The following COL4A5 variants were observed in gnomAD, a reference collection of about 807,000 sequenced individuals.
COL4A5 encodes the protein collagen alpha-5(IV) chain.
A neutral mutation model predicts 130.2 loss-of-function variants in COL4A5; 26 were observed. The ratio of observed to expected loss-of-function variants is 0.20; its 90% CI spans 0.15 to 0.28. The LOEUF (loss-of-function observed/expected upper bound fraction) is 0.28, where lower values mean the gene tolerates loss of function less well. COL4A5 is among the 10% of genes least tolerant of loss of function. COL4A5 has a pLI of 1.00. For missense variants in COL4A5, 1,131 were observed against 1,344.3 expected (o/e 0.84, Z 2.48); for synonymous variants, 496 against 439.6 (o/e 1.13, Z -1.60).
At chrX:108,451,429 T>C (rs1463505609) in intron 1 of COL4A5, among the ~76,000 whole-genome samples, 1 of 112,135 alleles carries the variant, frequency 8.9e-6, no homozygotes, top group Non-Finnish European at 1.9e-5. Context: ...CACTGTCTTC[T>C]ACAATGGTTG....
chrX:108,471,942 C>T (rs1434391577), intron 1 of COL4A5, among the ~76,000 whole-genome samples: 1 of 111,019 alleles, frequency 9.0e-6, no homozygotes, highest in African/African-American at 3.3e-5. Flanking sequence ...TTTATTTGAG[C>T]TCTTTCTCAT....
chrX:108,658,858 A>G (rs981459983), intron 37 of COL4A5, among the ~76,000 whole-genome samples: 4 of 111,108 alleles, frequency 3.6e-5, no homozygotes, highest in Non-Finnish European at 7.6e-5. Context: ...AACTTTCGTA[A>G]GTGATTTTCT....
rs1230195211 is a variant in COL4A5, at chrX:108,627,272, G to T, written c.3246+923G>T. 4 of 608,546 alleles carry T rather than the reference G, an allele frequency of 6.6e-6. No individual in the cohort carries two copies. The African/African-American group carries it at 1.0e-4, about 15-fold the overall frequency. The allele number at this position is 608,546 out of a possible 1,213,427, so 50.2% of individuals were successfully genotyped here. On this transcript the variant is annotated intron_variant, in intron 36 of 52. Transcript: ENST00000328300. The stretch of plus-strand genomic sequence containing the variant: ...AAAAAATAATATAGACATATTAAGG[G>T]TAAGAGTGAAAATCTTCTTCATGCC...
intron 52 of COL4A5, 158 bp downstream of exon 52, chrX:108,695,597 G>A: frequency 1.8e-6 from 1 of 570,328 alleles, no homozygotes; most frequent in Non-Finnish European, 2.8e-6. Context: ...CATGACTCAG[G>A]TCAGAAAAAC....
At chrX:108,460,872 T>G (rs1030186121) in intron 1 of COL4A5, among the ~76,000 whole-genome samples, 1 of 109,103 alleles carries the variant, frequency 9.2e-6, no homozygotes, top group Non-Finnish European at 1.9e-5. Flanking sequence ...TATAGGAATT[T>G]GGTTAATAGT....
intron 36 of COL4A5, among the ~76,000 whole-genome samples, chrX:108,635,813 A>G (rs760588537): frequency 1.8e-5 from 2 of 112,560 alleles, no homozygotes; most frequent in Admixed American, 1.9e-4. Flanking sequence ...CTTTTCAACA[A>G]ATGATGCTGG....
intron 2 of COL4A5, among the ~76,000 whole-genome samples, chrX:108,547,964 A>G (rs2065689200): frequency 8.9e-6 from 1 of 111,948 alleles, no homozygotes; most frequent in Non-Finnish European, 1.9e-5. Context: ...AGAAAAGTGC[A>G]GTATTAGGGT....
In COL4A5 at chrX:108,440,094, G is replaced by A. The variant is rs747413788; in HGVS notation, c.-32G>A. The A allele has an allele frequency of 8.7e-7, 1 of 1,151,063 alleles. No homozygotes were observed. The highest frequency in any genetic ancestry group is 1.2e-6 in the Non-Finnish European group (1 of 842,676). 94.9% of individuals were successfully genotyped at this position (1,151,063 alleles called of 1,213,427 possible). ...TAGAGCCAGCCGGGAATTTCGTGCG[G>A]GTGCTGAAGGAGCTGCGGGAGCCGG... On this transcript the variant is annotated 5_prime_UTR_variant, in exon 1 of 53. Transcript: ENST00000328300.
chrX:108,495,275 A>G (rs1412276554), intron 1 of COL4A5, among the ~76,000 whole-genome samples: 1 of 111,562 alleles, frequency 9.0e-6, no homozygotes, highest in African/African-American at 3.3e-5. Flanking sequence ...TTAGAAAAAA[A>G]TAAAATCATC....
intron 18 of COL4A5, among the ~76,000 whole-genome samples, chrX:108,585,331 G>T (rs920041122): frequency 1.8e-5 from 2 of 111,812 alleles, no homozygotes; most frequent in African/African-American, 6.5e-5. Flanking sequence ...ACTTAGGACT[G>T]TACTAAATCT....
intron 36 of COL4A5, among the ~76,000 whole-genome samples, chrX:108,628,806 G>A (rs1250056300): frequency 8.9e-6 from 1 of 111,771 alleles, no homozygotes; most frequent in Non-Finnish European, 1.9e-5. Context: ...TATCTGTTGA[G>A]TATGTATGAT....
chrX:108,573,632 A>C lies in COL4A5; in HGVS notation c.524A>C (p.Tyr175Ser), dbSNP rs2066100049. 8.3e-7 allele frequency: 1 copy of C among 1,197,766 alleles called. No individual in the cohort carries two copies. The highest frequency in any genetic ancestry group is 2.2e-5 in the Admixed American group (1 of 46,029). ...CCAGGACCAAAGGGTAATCCAGGAT[A>C]TCCAGGTCCTCCTGGAATACAAGTA... ...SLPGPKGNPG[Y>S]PGPPGIQGLP... Residue 175 changes from tyrosine (Y) to serine (S), a missense_variant, in exon 9 of 53, where the codon TAT (tyrosine) becomes TCT (serine). By Grantham distance (144) the Tyr-to-Ser change is moderately radical. Coordinates refer to ENST00000328300, the MANE Select transcript of COL4A5 (RefSeq NM_033380.3).
intron 36 of COL4A5, among the ~76,000 whole-genome samples, chrX:108,654,281 G>A (rs147137200): frequency 3.0e-3 from 338 of 112,437 alleles, no homozygotes; most frequent in African/African-American, 0.011. Context: ...GAGCAAAAAC[G>A]GTTATACATA....
intron 1 of COL4A5, among the ~76,000 whole-genome samples, chrX:108,455,301 C>G (rs889403282): frequency 5.4e-5 from 6 of 111,999 alleles, no homozygotes; most frequent in Admixed American, 1.9e-4. Context: ...AGTAGAATTC[C>G]ATTGTATTGA....
intron 2 of COL4A5, among the ~76,000 whole-genome samples, chrX:108,546,202 A>G (rs1255015911): frequency 8.9e-6 from 1 of 111,931 alleles, no homozygotes; most frequent in East Asian, 2.8e-4. Context: ...TCTTCCTAGC[A>G]TCAATGGTCT....
At chrX:108,616,840 T>C (rs1232023859) in intron 30 of COL4A5, among the ~76,000 whole-genome samples, 1 of 109,368 alleles carries the variant, frequency 9.1e-6, no homozygotes, top group Non-Finnish European at 1.9e-5. Flanking sequence ...CAGATATAAA[T>C]ATAATATATA....
chrX:108,509,375 C>A (rs2065159553), intron 1 of COL4A5, among the ~76,000 whole-genome samples: 1 of 111,630 alleles, frequency 9.0e-6, no homozygotes, highest in South Asian at 3.8e-4. Flanking sequence ...CAACAAACCC[C>A]CATGGCACAG....
chrX:108,544,033 A>T (rs1485717267), intron 2 of COL4A5, among the ~76,000 whole-genome samples: 1 of 112,108 alleles, frequency 8.9e-6, no homozygotes, highest in African/African-American at 3.2e-5. Context: ...TTTTCTAGAT[A>T]TACAATCATG....
intron 42 of COL4A5, 191 bp from the exon 43 acceptor site, chrX:108,674,554 C>T (rs1458096171): frequency 2.5e-6 from 1 of 396,751 alleles, no homozygotes; most frequent in Non-Finnish European, 4.2e-6. Flanking sequence ...GTTTGGCTCT[C>T]TATACTTCTG....
Sources: allele counts gnomAD v4.1 joint callset (sites outside exome capture counted in the v4.1 genomes callset), GRCh38; gene constraint gnomAD v4.1.1; transcripts MANE v1.5; gene names NCBI Gene and HGNC (gene_info 2026-07-23, HGNC 2026-07-21).